The following RGL1 variants were observed in gnomAD, a reference collection of about 807,000 sequenced individuals.
RGL1 encodes the protein ral guanine nucleotide dissociation stimulator like 1, also known as ral guanine nucleotide dissociation stimulator-like 1.
Under a neutral mutation model 95.2 loss-of-function variants are expected in RGL1, and 24 were observed. The ratio of observed to expected loss-of-function variants is 0.25; its 90% CI spans 0.18 to 0.35. The LOEUF is 0.35. Among genes scored for constraint, RGL1 ranks in the 10% least tolerant of loss-of-function variants. The pLI is 1.00. For missense variants in RGL1, 715 were observed against 936.3 expected (o/e 0.76, Z 3.08); for synonymous variants, 329 against 344.9 (o/e 0.95, Z 0.51).
intron 1 of RGL1, among the ~76,000 whole-genome samples, chr1:183,636,675 T>G (rs559560342): frequency 6.6e-6 from 1 of 152,250 alleles, no homozygotes; most frequent in African/African-American, 2.4e-5. Flanking sequence ...TCTCTAGTGC[T>G]GGGGGAAAAC....
chr1:183,911,377 G>A lies in RGL1; in HGVS notation c.1563-705G>A, dbSNP rs535383987. The stretch of plus-strand genomic sequence containing the variant: ...AAGGGTATAGCCCTTTGTGGGCCCT[G>A]GCTGTATATAGTTTTGGTTCTAACT... On this transcript the variant is annotated intron_variant, in intron 14 of 17. Transcript: ENST00000360851. Among the ~76,000 whole-genome samples the A allele has an allele frequency of 8.5e-4, 129 of 152,242 alleles. 3 individuals are homozygous for A. Among genetic ancestry groups the A allele is most frequent in the Admixed American group, 3.5e-3 (53 of 15,278 alleles).
chr1:183,779,221 TTCCTTCCC>T (rs1183373788), intron 2 of RGL1, among the ~76,000 whole-genome samples: 2 of 130,306 alleles, frequency 1.5e-5, no homozygotes, highest in Admixed American at 1.5e-4. Flanking sequence ...CCTTCCTTCC[TTCCTTCCC>T]TCCCTCCCAC....
At chr1:183,859,092 C>T (rs116761114) in intron 3 of RGL1, among the ~76,000 whole-genome samples, 314 of 152,310 alleles carry the variant, frequency 2.1e-3, no homozygotes, top group African/African-American at 7.2e-3. Flanking sequence ...CCCCCATCTA[C>T]CAGTTTCTTC....
chr1:183,809,242 G>T (rs1384767754), intron 2 of RGL1, among the ~76,000 whole-genome samples: 1 of 152,206 alleles, frequency 6.6e-6, no homozygotes, highest in South Asian at 2.1e-4. Context: ...CTAGTATTCA[G>T]ATCTCAAAAC....
intron 2 of RGL1, among the ~76,000 whole-genome samples, chr1:183,806,816 C>G (rs1246202935): frequency 6.6e-6 from 1 of 152,010 alleles, no homozygotes; most frequent in Non-Finnish European, 1.5e-5. Flanking sequence ...GAGCCATAAG[C>G]AGCTTTGCCC....
intron 14 of RGL1, among the ~76,000 whole-genome samples, chr1:183,911,742 G>A (rs1668653140): frequency 6.6e-6 from 1 of 152,158 alleles, no homozygotes; most frequent in Admixed American, 6.5e-5. Flanking sequence ...TGCCTGTGAA[G>A]ATCATTTTAT....
chr1:183,782,235 T>G (rs1659940102), intron 2 of RGL1, among the ~76,000 whole-genome samples: 1 of 152,192 alleles, frequency 6.6e-6, no homozygotes, highest in East Asian at 1.9e-4. Context: ...AAACAGGACT[T>G]TACTATTCCA....
At chr1:183,726,906 G>C (rs529110754) in intron 1 of RGL1, among the ~76,000 whole-genome samples, 43 of 152,232 alleles carry the variant, frequency 2.8e-4, no homozygotes, top group African/African-American at 1.0e-3. Flanking sequence ...AAAAGTTTTA[G>C]ATTTTGAAGC....
intron 2 of RGL1, among the ~76,000 whole-genome samples, chr1:183,795,019 A>G (rs1439962521): frequency 1.3e-5 from 2 of 152,176 alleles, no homozygotes; most frequent in Non-Finnish European, 2.9e-5. Flanking sequence ...TCATTCAACT[A>G]TAATTACTAA....
intron 4 of RGL1, among the ~76,000 whole-genome samples, chr1:183,879,633 G>A (rs1369834140): frequency 6.6e-6 from 1 of 152,204 alleles, no homozygotes; most frequent in Non-Finnish European, 1.5e-5. Context: ...TTCCGGGACC[G>A]TATGGGGTAA....
At chr1:183,921,969 C>T (rs185055591) in intron 16 of RGL1, among the ~76,000 whole-genome samples, 19 of 152,296 alleles carry the variant, frequency 1.2e-4, no homozygotes, top group Admixed American at 3.3e-4. Context: ...GCAAGGAAAG[C>T]GTTCTCTCCA....
intron 1 of RGL1, among the ~76,000 whole-genome samples, chr1:183,669,205 G>A (rs1652269589): frequency 6.6e-6 from 1 of 152,086 alleles, no homozygotes; most frequent in Admixed American, 6.5e-5. Context: ...GCCTCCCAAA[G>A]TGCTGGGATT....
At chr1:183,768,447 T>TA (rs778204278) in intron 2 of RGL1, among the ~76,000 whole-genome samples, 24 of 147,000 alleles carry the variant, frequency 1.6e-4, no homozygotes, top group Non-Finnish European at 2.4e-4. Flanking sequence ...TAATTTGAAC[T>TA]AACCTTTAGA....
chr1:183,727,884 G>T (rs1279459157), intron 1 of RGL1, among the ~76,000 whole-genome samples: 1 of 152,164 alleles, frequency 6.6e-6, no homozygotes, highest in African/African-American at 2.4e-5. Flanking sequence ...GATTAATTTT[G>T]TGTATTAGCT....
chr1:183,639,835 T>C (rs1649801901), intron 1 of RGL1, among the ~76,000 whole-genome samples: 1 of 151,420 alleles, frequency 6.6e-6, no homozygotes, highest in Non-Finnish European at 1.5e-5. Flanking sequence ...TAAAGGGAAA[T>C]GTTTTTCTTT....
chr1:183,784,871 C>T lies in RGL1; in HGVS notation c.133-21504C>T, dbSNP rs575098840. On this transcript the variant is annotated intron_variant, in intron 2 of 18. Coordinates refer to the RGL1 transcript ENST00000304685. ...TAACAAATTTCGGCCATTCTCCTTC[C>T]TAAGCACTTCTCCAGTGTGTTCACT... Among the ~76,000 whole-genome samples the T allele has an allele frequency of 3.3e-5, 5 of 152,332 alleles. No homozygotes were observed. The South Asian group carries it at 1.0e-3, about 32-fold the overall frequency.
intron 1 of RGL1, among the ~76,000 whole-genome samples, chr1:183,658,060 A>G (rs1213585044): frequency 2.0e-5 from 3 of 152,170 alleles, no homozygotes; most frequent in African/African-American, 7.2e-5. Context: ...TATAAACGGG[A>G]ATTTTTCGGG....
At chr1:183,799,275 G>A (rs1461536973) in intron 2 of RGL1, among the ~76,000 whole-genome samples, 1 of 152,150 alleles carries the variant, frequency 6.6e-6, no homozygotes, top group Non-Finnish European at 1.5e-5. Context: ...AATTAATATG[G>A]GAGCGCAGGT....
intron 2 of RGL1, among the ~76,000 whole-genome samples, chr1:183,814,282 T>C (rs184589101): frequency 6.6e-6 from 1 of 152,300 alleles, no homozygotes; most frequent in East Asian, 1.9e-4. Context: ...TCCACTGATG[T>C]GACTGCATAT....
Sources: gnomAD v4.1 joint callset for allele counts (sites outside exome capture counted in the v4.1 genomes callset) on GRCh38, gnomAD v4.1.1 for gene constraint, MANE v1.5 for transcripts, NCBI Gene and HGNC (gene_info 2026-07-23, HGNC 2026-07-21) for gene names.